TSPAN9: variants seen among roughly 807,000 people sequenced by gnomAD.
The protein encoded by TSPAN9 is tetraspanin 9, also known as tetraspanin-9.
A neutral mutation model predicts 31.0 loss-of-function variants in TSPAN9; 16 were observed. The ratio of observed to expected loss-of-function variants is 0.52; its 90% CI spans 0.35 to 0.78. The LOEUF is 0.78. TSPAN9 is among the 30% of genes least tolerant of loss of function. The pLI, the probability that TSPAN9 is intolerant of heterozygous loss-of-function variation, is 0.01. For synonymous variants in TSPAN9, 145 were observed against 121.6 expected (o/e 1.19, Z -1.27); for missense variants, 272 against 312.5 (o/e 0.87, Z 0.98).
chr12:3,089,120 C>T (rs12829584), intron 2 of TSPAN9, among the ~76,000 whole-genome samples: 47,007 of 150,034 alleles, frequency 0.31, 8,402 homozygotes, highest in Admixed American at 0.46. Flanking sequence ...TAGTCCCAGC[C>T]ACTCGGGAGG....
intron 2 of TSPAN9, among the ~76,000 whole-genome samples, chr12:3,194,947 T>G (rs1289693619): frequency 6.6e-6 from 1 of 152,226 alleles, no homozygotes; most frequent in Non-Finnish European, 1.5e-5. Context: ...ACGAAAGCAT[T>G]TTCTGTACTG....
At chr12:3,264,981 TG>T (rs1350226496) in intron 3 of TSPAN9, among the ~76,000 whole-genome samples, 2 of 152,146 alleles carry the variant, frequency 1.3e-5, no homozygotes, top group African/African-American at 4.8e-5. Context: ...CTCTGGCCAT[TG>T]TCCTATCTCA....
intron 8 of TSPAN9, chr12:3,282,061 G>A (rs1862905272): frequency 1.5e-6 from 1 of 682,274 alleles, no homozygotes; most frequent in African/African-American, 1.8e-5. Context: ...CTGGGATATT[G>A]AAGCTGGAGT....
intron 3 of TSPAN9, among the ~76,000 whole-genome samples, chr12:3,261,852 G>A (rs1417202162): frequency 6.6e-6 from 1 of 152,200 alleles, no homozygotes; most frequent in Non-Finnish European, 1.5e-5. Flanking sequence ...GTGTGACTGT[G>A]AGGGCACCTG....
intron 2 of TSPAN9, among the ~76,000 whole-genome samples, chr12:3,092,956 C>G (rs992957658): frequency 2.6e-5 from 4 of 152,216 alleles, no homozygotes; most frequent in Non-Finnish European, 5.9e-5. Flanking sequence ...CGAGTGCTTC[C>G]AGCCTGCTCT....
chr12:3,155,963 T>A (rs566898966), intron 2 of TSPAN9, among the ~76,000 whole-genome samples: 6 of 152,320 alleles, frequency 3.9e-5, no homozygotes, highest in African/African-American at 7.2e-5. Flanking sequence ...TTTTCCCGGA[T>A]GACAGCCATG....
chr12:3,084,847 A>G lies in TSPAN9; in HGVS notation c.-18+1128A>G, dbSNP rs1412790347. On this transcript the variant is annotated intron_variant, in intron 2 of 8. Coordinates refer to ENST00000011898, the MANE Select transcript of TSPAN9 (RefSeq NM_006675.5). Reference sequence around the variant, plus strand: ...TGACCCTGCAGCGCCTGCCTTTTCTAATGCAGACCTGCGGCTGTTCTTAAC... The same window carrying G: ...TGACCCTGCAGCGCCTGCCTTTTCTGATGCAGACCTGCGGCTGTTCTTAAC... Among the ~76,000 whole-genome samples the G allele has an allele frequency of 2.6e-5, 4 of 152,174 alleles. No homozygotes were observed. The East Asian group carries it at 7.7e-4, about 29-fold the overall frequency.
At chr12:3,157,579 G>C (rs2098342907) in intron 2 of TSPAN9, among the ~76,000 whole-genome samples, 2 of 152,198 alleles carry the variant, frequency 1.3e-5, no homozygotes, top group Non-Finnish European at 2.9e-5. Context: ...ACCTAAAATA[G>C]TCTTTGGCAT....
chr12:3,138,874 C>T (rs2098333399), intron 2 of TSPAN9, among the ~76,000 whole-genome samples: 1 of 152,156 alleles, frequency 6.6e-6, no homozygotes, highest in Non-Finnish European at 1.5e-5. Context: ...GGTTCCAAGC[C>T]CTGTGGGCAG....
intron 3 of TSPAN9, among the ~76,000 whole-genome samples, chr12:3,216,857 A>G (rs543285929): frequency 6.2e-4 from 94 of 152,236 alleles, no homozygotes; most frequent in African/African-American, 2.2e-3. Context: ...TCAGACACAG[A>G]TCCCCAAGGC....
At position 3,157,081 on chromosome 12, in the gene TSPAN9, T is replaced by G. The variant is rs368921247; in HGVS notation, c.-17-44096T>G. Among the ~76,000 whole-genome samples, 46 of 151,992 alleles carry G rather than the reference T, an allele frequency of 3.0e-4. 2 individuals carry two copies. The South Asian group carries it at 6.2e-3, about 21-fold the overall frequency. On this transcript the variant is annotated intron_variant, in intron 2 of 8. Coordinates refer to ENST00000011898, the MANE Select transcript of TSPAN9 (RefSeq NM_006675.5). Reference sequence around the variant, plus strand: ...GCAGAGCAGGTTTTATTATTTCCACTTAATTCAGGCTGAATGTGGTGTTTT... The same window carrying G: ...GCAGAGCAGGTTTTATTATTTCCACGTAATTCAGGCTGAATGTGGTGTTTT...
intron 2 of TSPAN9, among the ~76,000 whole-genome samples, chr12:3,184,234 GA>G (rs1356979623): frequency 1.3e-5 from 2 of 151,794 alleles, no homozygotes; most frequent in Non-Finnish European, 2.9e-5. Flanking sequence ...CCCATCTCTA[GA>G]AAAAATACAA....
At chr12:3,183,016 C>T (rs545221857) in intron 2 of TSPAN9, among the ~76,000 whole-genome samples, 10 of 152,300 alleles carry the variant, frequency 6.6e-5, no homozygotes, top group African/African-American at 2.2e-4. Context: ...TCTGCTCTGT[C>T]GGCTTTGCTG....
At chr12:3,154,930 C>T (rs1395579918) in intron 2 of TSPAN9, among the ~76,000 whole-genome samples, 1 of 152,176 alleles carries the variant, frequency 6.6e-6, no homozygotes, top group Non-Finnish European at 1.5e-5. Context: ...CAGCCCCCTA[C>T]AGACATGATC....
In TSPAN9 at chr12:3,171,369, C is replaced by T. The variant is rs540011744; in HGVS notation, c.-17-29808C>T. ...ATGACTAATCCGTAATCCACAGAAA[C>T]TGTTTGCTATCAGTCTGCAAATGAT... On this transcript the variant is annotated intron_variant, in intron 2 of 8. Transcript: ENST00000011898. 1.2e-4 allele frequency among the ~76,000 whole-genome samples: 19 copies of T among 152,290 alleles called. No homozygotes were observed. The South Asian group carries it at 2.3e-3, about 18-fold the overall frequency.
intron 3 of TSPAN9, among the ~76,000 whole-genome samples, chr12:3,249,381 G>A (rs1862203781): frequency 2.0e-5 from 3 of 152,132 alleles, no homozygotes; most frequent in Admixed American, 2.0e-4. Context: ...ATTCTCTCCA[G>A]ATCAATTACC....
intron 2 of TSPAN9, among the ~76,000 whole-genome samples, chr12:3,139,442 G>A (rs528469493): frequency 3.3e-5 from 5 of 152,324 alleles, no homozygotes; most frequent in African/African-American, 1.2e-4. Flanking sequence ...CTTGCAGTCG[G>A]CCAGCCTGGG....
At chr12:3,167,418 A>G (rs766770078) in intron 2 of TSPAN9, among the ~76,000 whole-genome samples, 6 of 152,224 alleles carry the variant, frequency 3.9e-5, no homozygotes, top group Non-Finnish European at 8.8e-5. Flanking sequence ...ATATAACTTG[A>G]GTGCAGTATT....
At chr12:3,220,012 G>A (rs2098383492) in intron 3 of TSPAN9, among the ~76,000 whole-genome samples, 1 of 152,036 alleles carries the variant, frequency 6.6e-6, no homozygotes, top group African/African-American at 2.4e-5. Context: ...AAAAGTAGTG[G>A]CGCATGCTTG....
Sources: allele counts gnomAD v4.1 joint callset (sites outside exome capture counted in the v4.1 genomes callset), GRCh38; gene constraint gnomAD v4.1.1; transcripts MANE v1.5; gene names NCBI Gene and HGNC (gene_info 2026-07-23, HGNC 2026-07-21).